LRTM1: variants seen among roughly 807,000 people sequenced by gnomAD.
LRTM1 encodes the protein leucine rich repeat transmembrane protein 1, also known as leucine-rich repeat and transmembrane domain-containing protein 1.
Under a neutral mutation model 32.4 loss-of-function variants are expected in LRTM1, and 38 were observed. The ratio of observed to expected loss-of-function variants is 1.17; its 90% confidence interval spans 0.91 to 1.54. The LOEUF (loss-of-function observed/expected upper bound fraction) is 1.54, where lower values mean the gene tolerates loss of function less well. Ranked by LOEUF, LRTM1 falls within the 40% of genes most tolerant of loss-of-function variation. The pLI is 0.00. For synonymous variants in LRTM1, 186 were observed against 169.9 expected (o/e 1.09, Z -0.74); for missense variants, 466 against 415.4 (o/e 1.12, Z -1.06).
chr3:54,937,527 C>T (rs1701360395), intron 1 of LRTM1, among the ~76,000 whole-genome samples: 1 of 152,100 alleles, frequency 6.6e-6, no homozygotes, highest in Non-Finnish European at 1.5e-5. Flanking sequence ...TGGACCTGTG[C>T]AGTTCAAACT....
chr3:54,949,103 A>G (rs1701690152), intron 1 of LRTM1, among the ~76,000 whole-genome samples: 1 of 152,132 alleles, frequency 6.6e-6, no homozygotes, highest in South Asian at 2.1e-4. Context: ...ATCTGAGCAG[A>G]TTGGCAAACT....
At chr3:54,967,073 T>G (rs893813442) in exon 1 of LRTM1, 1 of 152,206 alleles carries the variant, frequency 6.6e-6, no homozygotes, top group Non-Finnish European at 1.5e-5. Flanking sequence ...ACCGACATGG[T>G]GCATTTCAGA....
intron 1 of LRTM1, among the ~76,000 whole-genome samples, chr3:54,958,941 A>C (rs1420684077): frequency 1.3e-5 from 2 of 152,010 alleles, no homozygotes; most frequent in Non-Finnish European, 2.9e-5. Context: ...CTGTCTCTAC[A>C]AAAAACACAA....
chr3:54,935,264 C>T (rs991274102), intron 1 of LRTM1, among the ~76,000 whole-genome samples: 1 of 152,170 alleles, frequency 6.6e-6, no homozygotes, highest in African/African-American at 2.4e-5. Context: ...CCTCCCTATA[C>T]TGTCAGGGTT....
chr3:54,926,661 G>A lies in LRTM1; in HGVS notation c.7+1244C>T, dbSNP rs547100692. On this transcript the variant is annotated intron_variant, in intron 1 of 2. Transcript: ENST00000273286. ...AAAACTGATCTATCCACATGGATACGTGGAAAGCTAATTCATTCCTTTTAA... is the reference window on the plus strand; with the variant it reads ...AAAACTGATCTATCCACATGGATACATGGAAAGCTAATTCATTCCTTTTAA... 1.2e-4 allele frequency among the ~76,000 whole-genome samples: 19 copies of A among 152,276 alleles called. No homozygotes were observed. In the South Asian group the frequency reaches 3.1e-3, roughly 25 times the overall value.
intron 1 of LRTM1, among the ~76,000 whole-genome samples, chr3:54,939,867 A>C (rs1236981180): frequency 6.6e-6 from 1 of 152,198 alleles, no homozygotes; most frequent in Non-Finnish European, 1.5e-5. Context: ...GCCGCTGGCC[A>C]TGCTTGCTTT....
At chr3:54,931,625 TC>T (rs1559634964), upstream of LRTM1, among the ~76,000 whole-genome samples, 3 of 152,298 alleles carry the variant, frequency 2.0e-5, no homozygotes, top group South Asian at 6.2e-4. Flanking sequence ...GACCCCAGGT[TC>T]CCACATGGGA....
chr3:54,956,049 C>T (rs1297402391), intron 1 of LRTM1, among the ~76,000 whole-genome samples: 1 of 152,240 alleles, frequency 6.6e-6, no homozygotes, highest in Non-Finnish European at 1.5e-5. Flanking sequence ...GTCCGCCCCT[C>T]CTTAATGTTT....
chr3:54,942,443 T>C (rs2106988482), intron 1 of LRTM1, among the ~76,000 whole-genome samples: 1 of 152,342 alleles, frequency 6.6e-6, no homozygotes, highest in South Asian at 2.1e-4. Flanking sequence ...GGAAATAGTT[T>C]TAGGCCTGAA....
At chr3:54,938,827 T>C (rs1231325179) in intron 1 of LRTM1, among the ~76,000 whole-genome samples, 2 of 152,186 alleles carry the variant, frequency 1.3e-5, no homozygotes, top group African/African-American at 4.8e-5. Context: ...AGAAATATGA[T>C]TCTAGAAAAG....
At chr3:54,951,372 T>C (rs1478942754) in intron 1 of LRTM1, among the ~76,000 whole-genome samples, 1 of 152,190 alleles carries the variant, frequency 6.6e-6, no homozygotes, top group African/African-American at 2.4e-5. Context: ...GAAAATTCCA[T>C]GTGCAAGACA....
At chr3:54,929,608 C>T (rs1167367137), upstream of LRTM1, among the ~76,000 whole-genome samples, 4 of 150,558 alleles carry the variant, frequency 2.7e-5, no homozygotes, top group African/African-American at 9.8e-5. Context: ...TTTACGCAAC[C>T]TGCCATCTTT....
chr3:54,963,430 A>C (rs1208036222), intron 1 of LRTM1, among the ~76,000 whole-genome samples: 1 of 152,218 alleles, frequency 6.6e-6, no homozygotes, highest in Non-Finnish European at 1.5e-5. Flanking sequence ...ATGGTCCAGT[A>C]CCGTAGCCTC....
chr3:54,955,121 C>A (rs1012862830), intron 1 of LRTM1, among the ~76,000 whole-genome samples: 5 of 152,112 alleles, frequency 3.3e-5, no homozygotes, highest in African/African-American at 1.2e-4. Context: ...CATGGGGAAT[C>A]GTAGGAGAAT....
At position 54,947,034 on chromosome 3, in the gene LRTM1, C is replaced by A. The variant is rs140489892; in HGVS notation, c.-222+19894G>T. Among the ~76,000 whole-genome samples, 197 of 152,292 alleles carry A rather than the reference C, an allele frequency of 1.3e-3. 1 individual carries two copies. The highest frequency in any genetic ancestry group is 9.9e-3 in the East Asian group (51 of 5,176). On this transcript the variant is annotated intron_variant, in intron 1 of 2. Transcript: ENST00000493075. ...GACAAGTAATTGGGTCATCAATAATCTTTTCTGGAACCCCATAATGAAAGT... is the reference window on the plus strand; with the variant it reads ...GACAAGTAATTGGGTCATCAATAATATTTTCTGGAACCCCATAATGAAAGT...
chr3:54,958,982 T>A (rs1701968822), intron 1 of LRTM1, among the ~76,000 whole-genome samples: 1 of 152,048 alleles, frequency 6.6e-6, no homozygotes, highest in East Asian at 1.9e-4. Context: ...ATGCCTGTAG[T>A]CCTAGCTACT....
At chr3:54,929,504 A>G (rs1387554934), upstream of LRTM1, among the ~76,000 whole-genome samples, 1 of 152,158 alleles carries the variant, frequency 6.6e-6, no homozygotes, top group Non-Finnish European at 1.5e-5. Flanking sequence ...ATTTTCAACA[A>G]CCTGTACTTT....
chr3:54,927,936 G>C lies in LRTM1; in HGVS notation c.-25C>G, dbSNP rs147452835. 2 of 1,613,140 alleles carry C rather than the reference G, an allele frequency of 1.2e-6. No homozygotes were observed. The highest frequency in any genetic ancestry group is 1.3e-5 in the African/African-American group (1 of 75,000). On this transcript the variant is annotated 5_prime_UTR_variant, in exon 1 of 3. Transcript: ENST00000273286. ...TGACTGAGTCTCCTTGGGCGTCCTT[G>C]CTGACCTCGTAGACCCTTTAATTAA...
At chr3:54,954,838 T>C (rs9840656) in intron 1 of LRTM1, among the ~76,000 whole-genome samples, 5,177 of 152,262 alleles carry the variant, frequency 0.034, 284 homozygotes, top group African/African-American at 0.12. Context: ...CCAGGAATCT[T>C]CAGAAAGAAG....
Sources: gnomAD v4.1 joint callset for allele counts (sites outside exome capture counted in the v4.1 genomes callset) on GRCh38, gnomAD v4.1.1 for gene constraint, MANE v1.5 for transcripts, NCBI Gene and HGNC (gene_info 2026-07-23, HGNC 2026-07-21) for gene names.